Variants in ZNF442 observed in about 807,000 individuals in gnomAD.
The protein encoded by ZNF442 is zinc finger protein 442.
A neutral mutation model predicts 57.0 loss-of-function variants in ZNF442; 45 were observed. The observed-to-expected ratio is 0.79, with a 90% confidence interval of 0.62 to 1.01. The LOEUF is 1.01. Ranked by LOEUF, ZNF442 falls within the 50% of genes least tolerant of loss-of-function variation. The pLI is 0.00. For synonymous variants in ZNF442, 213 were observed against 241.8 expected (o/e 0.88, Z 1.10); for missense variants, 690 against 756.5 (o/e 0.91, Z 1.03).
chr19:12,368,501 G>C (rs928877541), upstream of ZNF442, among the ~76,000 whole-genome samples: 111 of 152,178 alleles, frequency 7.3e-4, no homozygotes, highest in African/African-American at 2.6e-3. Context: ...GGGTCCCTTA[G>C]TTCCCGCAAC....
At position 12,363,683 on chromosome 19, in the gene ZNF442, G is replaced by T; in HGVS notation, c.-40-12C>A. ...CCAAGGAATGGAAACTGGGGTTGGG[G>T]AAGAACAAGGTGATTGTCCCAAGGG... On this transcript the variant is annotated splice_polypyrimidine_tract_variant and intron_variant, in intron 2 of 5. Coordinates refer to ENST00000242804, the MANE Select transcript of ZNF442 (RefSeq NM_030824.3). 1 of 1,519,652 alleles carries T rather than the reference G, an allele frequency of 6.6e-7. No individual in the cohort carries two copies. Among genetic ancestry groups the T allele is most frequent in the Non-Finnish European group, 9.1e-7 (1 of 1,094,214 alleles). The allele number at this position is 1,519,652 out of a possible 1,614,324, so 94.1% of individuals were successfully genotyped here. A position where few individuals can be genotyped will look rare whatever the true frequency, so the allele number is the denominator to read the frequency against.
intron 3 of ZNF442, among the ~76,000 whole-genome samples, chr19:12,356,592 A>T (rs1337934477): frequency 6.7e-6 from 1 of 150,144 alleles, no homozygotes; most frequent in Non-Finnish European, 1.5e-5. Flanking sequence ...GCTCCATTGC[A>T]CTCCAGCCTG....
chr19:12,353,773 A>AT (rs1321678723), intron 3 of ZNF442, among the ~76,000 whole-genome samples: 2 of 152,142 alleles, frequency 1.3e-5, no homozygotes, highest in Non-Finnish European at 2.9e-5. Flanking sequence ...TGAAGAGGTT[A>AT]TTGGGTCTTG....
chr19:12,359,335 A>G (rs955890367), intron 3 of ZNF442, among the ~76,000 whole-genome samples: 2 of 152,140 alleles, frequency 1.3e-5, no homozygotes, highest in African/African-American at 4.8e-5. Flanking sequence ...AAATCACCTC[A>G]ACTCCCCAAG....
At chr19:12,353,960 C>G (rs1008385146) in intron 3 of ZNF442, among the ~76,000 whole-genome samples, 1 of 152,136 alleles carries the variant, frequency 6.6e-6, no homozygotes, top group African/African-American at 2.4e-5. Context: ...TCGACAGAGT[C>G]TCCACCAGCA....
chr19:12,362,113 C>T lies in ZNF442; in HGVS notation c.78+1441G>A, dbSNP rs193100984. On this transcript the variant is annotated intron_variant, in intron 3 of 5. Coordinates refer to ENST00000242804, the MANE Select transcript of ZNF442 (RefSeq NM_030824.3). ...CGCCTGCCTTGGCCTCCCAAAGTGC[C>T]GAGATTGCAGCCTCTGCCTGGCTGC... Among the ~76,000 whole-genome samples the T allele has an allele frequency of 2.0e-5, 3 of 152,198 alleles. No homozygotes were observed. The South Asian group carries it at 6.2e-4, about 31-fold the overall frequency.
chr19:12,362,448 C>T (rs1294566492), intron 3 of ZNF442, among the ~76,000 whole-genome samples: 2 of 151,546 alleles, frequency 1.3e-5, no homozygotes, highest in Non-Finnish European at 2.9e-5. Context: ...TCTGCCCGGC[C>T]GCCCCGTCTG....
At position 12,346,940 on chromosome 19, in the gene ZNF442, G is replaced by A. The variant is rs1969140673; in HGVS notation, c.*2761C>T. Reference sequence around the variant, plus strand: ...TGGAGATTTTCAGTACTTTGGGATAGGATGGAATAGGTAATTACATGTATG... The same window carrying A: ...TGGAGATTTTCAGTACTTTGGGATAAGATGGAATAGGTAATTACATGTATG... On this transcript the variant is annotated 3_prime_UTR_variant, in exon 6 of 6. Coordinates refer to ENST00000242804, the MANE Select transcript of ZNF442 (RefSeq NM_030824.3). 1 of 152,220 alleles carries A rather than the reference G, an allele frequency of 6.6e-6. No individual in the cohort carries two copies. The highest frequency in any genetic ancestry group is 2.4e-5 in the African/African-American group (1 of 41,450). The allele number at this position is 152,220 out of a possible 1,614,324, so 9.4% of individuals were successfully genotyped here. A position where few individuals can be genotyped will look rare whatever the true frequency, so the allele number is the denominator to read the frequency against.
At position 12,365,540 on chromosome 19, in the gene ZNF442, C is replaced by T. The variant is rs1969517880; in HGVS notation, c.-490G>A. On this transcript the variant is annotated 5_prime_UTR_variant, in exon 1 of 6. Transcript: ENST00000242804. ...CGGGCCCCGCACACTCACCATTTCC[C>T]GGCTTCCGCGGTGTCCCGTGTTCTC... 5.3e-6 allele frequency: 3 copies of T among 561,894 alleles called. No individual in the cohort carries two copies. Among genetic ancestry groups the T allele is most frequent in the South Asian group, 1.8e-5 (1 of 54,934 alleles). 34.8% of individuals were successfully genotyped at this position (561,894 alleles called of 1,614,324 possible). A position where few individuals can be genotyped will look rare whatever the true frequency, so the allele number is the denominator to read the frequency against.
intron 5 of ZNF442, 150 bp from the exon 6 acceptor site, chr19:12,351,468 A>G: frequency 1.4e-6 from 1 of 723,704 alleles, no homozygotes; most frequent in Non-Finnish European, 2.2e-6. Context: ...GTTGTACAAG[A>G]TAACTCGACC....
intron 3 of ZNF442, among the ~76,000 whole-genome samples, chr19:12,355,222 C>T (rs578152096): frequency 4.2e-5 from 6 of 141,496 alleles, no homozygotes; most frequent in East Asian, 2.2e-4. Context: ...ACCCAAGAGG[C>T]GGAGCTTGCA....
Position 12,352,055 on chromosome 19 carries a change from T to C in ZNF442, c.221A>G (p.Asp74Gly), listed in dbSNP as rs775196879. 7 of 1,613,724 alleles carry C rather than the reference T, an allele frequency of 4.3e-6. No homozygotes were observed. The Admixed American group carries it at 1.0e-4, about 23-fold the overall frequency. The change falls in exon 5 of 6, where the codon GAC becomes GGC. Residue 74 changes from aspartate (D) to glycine (G), a missense_variant. Transcript: ENST00000242804. Reference sequence around the variant, plus strand: ...TCTGTGCTGATCTTCAATGTTTGTGTCTTCCCATTTCATTCCTAAAAGGTG... The same window carrying C: ...TCTGTGCTGATCTTCAATGTTTGTGCCTTCCCATTTCATTCCTAAAAGGTG... ...NLDCIGMKWE[D>G]TNIEDQHRNP...
In ZNF442 at chr19:12,352,026, G is replaced by A. The variant is rs749052734; in HGVS notation, c.250C>T (p.Pro84Ser). The A allele has an allele frequency of 3.7e-6, 6 of 1,613,452 alleles. No homozygotes were observed. In the Admixed American group the frequency reaches 8.3e-5, roughly 22 times the overall value. The stretch of plus-strand genomic sequence containing the variant: ...GCAAATTACCTTAGGCTCCTCCTGG[G>A]ATTTCTGTGCTGATCTTCAATGTTT... ...DTNIEDQHRN[P>S]RRSLRCHIIE... is the part of the protein sequence containing the mutation. The change falls in exon 5 of 6, where the codon CCC (proline) becomes TCC (serine). Residue 84 changes from proline to serine, a missense_variant. Coordinates refer to ENST00000242804, the MANE Select transcript of ZNF442 (RefSeq NM_030824.3).
chr19:12,361,954 G>A (rs756993372), intron 3 of ZNF442, among the ~76,000 whole-genome samples: 5 of 152,196 alleles, frequency 3.3e-5, no homozygotes, highest in African/African-American at 4.8e-5. Flanking sequence ...GCTCCTAACC[G>A]CGAGTGATCT....
chr19:12,372,986 A>T, the ZNF442 span, among the ~76,000 whole-genome samples: 1 of 152,036 alleles, frequency 6.6e-6, no homozygotes, highest in Non-Finnish European at 1.5e-5. Context: ...GTTGGCCAGG[A>T]TGGTCTTGAT....
chr19:12,350,943 A>G lies in ZNF442; in HGVS notation c.642T>C (p.Cys214=). ...AACTAGGCCAAAAAAAGGCTTTCCC[A>G]CACAACTTACATATATAAGGTCCAC... ...RGGGPYICKL[C]GKAFFWPSLF... is the part of the protein sequence containing the mutation. Residue 214 remains cysteine (C), a synonymous_variant, in exon 6 of 6, where the codon TGT becomes TGC. Coordinates refer to ENST00000242804, the MANE Select transcript of ZNF442 (RefSeq NM_030824.3). 1 of 1,614,208 alleles carries G rather than the reference A, an allele frequency of 6.2e-7. No homozygotes were observed. Among genetic ancestry groups the G allele is most frequent in the Non-Finnish European group, 8.5e-7 (1 of 1,180,040 alleles).
chr19:12,370,413 T>C (rs12984353), upstream of ZNF442, among the ~76,000 whole-genome samples: 42,981 of 151,712 alleles, frequency 0.28, 6,378 homozygotes, highest in African/African-American at 0.37. Context: ...AAGCTTTGCT[T>C]ACTCGCCCGC....
chr19:12,354,883 A>T (rs1969300997), intron 3 of ZNF442, among the ~76,000 whole-genome samples: 1 of 152,228 alleles, frequency 6.6e-6, no homozygotes, highest in African/African-American at 2.4e-5. Flanking sequence ...TGTGTTAATC[A>T]ATTGTTTTTG....
chr19:12,353,181 T>A, intron 3 of ZNF442, 67 bp from the exon 4 acceptor site: 1 of 1,497,940 alleles, frequency 6.7e-7, no homozygotes, highest in African/African-American at 1.4e-5. Flanking sequence ...TACACCCACT[T>A]CATAAACTTT....
Sources: gnomAD v4.1 joint callset for allele counts (sites outside exome capture counted in the v4.1 genomes callset) on GRCh38, gnomAD v4.1.1 for gene constraint, MANE v1.5 for transcripts, NCBI Gene and HGNC (gene_info 2026-07-23, HGNC 2026-07-21) for gene names.